KIAA0232: variants seen among roughly 807,000 people sequenced by gnomAD.
KIAA0232 encodes KIAA0232.
In KIAA0232, 27 loss-of-function variants were observed where a neutral mutation model predicts 122.0. The ratio of observed to expected loss-of-function variants is 0.22; its 90% CI spans 0.16 to 0.31. The LOEUF (loss-of-function observed/expected upper bound fraction) is 0.31. KIAA0232 is among the 10% of genes least tolerant of loss of function. The pLI is 1.00. For synonymous variants in KIAA0232, 613 were observed against 587.6 expected, an observed-to-expected ratio of 1.04 and a Z score of -0.63; for missense variants, 1,551 against 1,634.2, an observed-to-expected ratio of 0.95 and a Z score of 0.88.
At chr4:6,841,829 C>T (rs1237292795) in intron 3 of KIAA0232, among the ~76,000 whole-genome samples, 1 of 152,162 alleles carries the variant, frequency 6.6e-6, no homozygotes. Flanking sequence ...GAAAACATCC[C>T]ATGTTTGTGA....
chr4:6,862,725 T>C lies in KIAA0232; in HGVS notation c.2343T>C (p.Val781=), dbSNP rs772680989. 2 of 1,609,626 alleles carry C rather than the reference T, an allele frequency of 1.2e-6. No individual in the cohort carries two copies. Among genetic ancestry groups the C allele is most frequent in the Non-Finnish European group, 1.7e-6 (2 of 1,178,978 alleles). The change falls in exon 7 of 10, where the codon GTT becomes GTC. Residue 781 remains valine (V), a synonymous_variant. Coordinates refer to ENST00000307659, the MANE Select transcript of KIAA0232 (RefSeq NM_014743.3). ...SRTLGEIPTL[V]FKKTSKLESV... ...CTTTAGGTGAGATTCCTACATTAGT[T>C]TTCAAAAAAACATCTAAACTAGAAT...
chr4:6,833,189 G>A (rs1001688809), intron 3 of KIAA0232, among the ~76,000 whole-genome samples: 10 of 152,128 alleles, frequency 6.6e-5, no homozygotes, highest in African/African-American at 2.2e-4. Flanking sequence ...AGCGCTCCTC[G>A]TGTGTGTCAC....
intron 4 of KIAA0232, among the ~76,000 whole-genome samples, chr4:6,849,190 G>A (rs1444277628): frequency 4.6e-5 from 7 of 152,240 alleles, no homozygotes; most frequent in Non-Finnish European, 1.0e-4. Context: ...AGATGCAGTT[G>A]CAGGGGTCCA....
intron 1 of KIAA0232, among the ~76,000 whole-genome samples, chr4:6,796,264 C>T (rs1717131965): frequency 6.6e-6 from 1 of 151,240 alleles, no homozygotes; most frequent in Non-Finnish European, 1.5e-5. Context: ...TTTTTGGAGA[C>T]AGAGTCTTGT....
Position 6,881,165 on chromosome 4 carries a change from G to A in KIAA0232, c.*199G>A, listed in dbSNP as rs1722056483. On this transcript the variant is annotated 3_prime_UTR_variant, in exon 10 of 10. Coordinates refer to ENST00000307659, the MANE Select transcript of KIAA0232 (RefSeq NM_014743.3). ...CTGTTAAAGATTTTTTTTCCCAGCT[G>A]TTAAATTCTTGGCTATTTGAAATAG... The A allele has an allele frequency of 2.3e-6, 1 of 427,510 alleles. No homozygotes were observed. The highest frequency in any genetic ancestry group is 4.0e-6 in the Non-Finnish European group (1 of 247,002). The allele number at this position is 427,510 out of a possible 1,614,324, so 26.5% of individuals were successfully genotyped here. A position where few individuals can be genotyped will look rare whatever the true frequency, so the allele number is the denominator to read the frequency against.
At chr4:6,836,887 T>TC (rs1436956731) in intron 3 of KIAA0232, among the ~76,000 whole-genome samples, 1 of 152,208 alleles carries the variant, frequency 6.6e-6, no homozygotes, top group Non-Finnish European at 1.5e-5. Flanking sequence ...ATTAACAGCA[T>TC]CCCAAGGCAG....
intron 3 of KIAA0232, among the ~76,000 whole-genome samples, chr4:6,833,751 G>A (rs1719118661): frequency 6.6e-6 from 1 of 152,112 alleles, no homozygotes; most frequent in African/African-American, 2.4e-5. Flanking sequence ...CTGGGTAGTA[G>A]GTATGAAATA....
At chr4:6,808,455 C>T (rs557088492) in intron 2 of KIAA0232, among the ~76,000 whole-genome samples, 48 of 145,510 alleles carry the variant, frequency 3.3e-4, no homozygotes, top group African/African-American at 1.2e-3. Flanking sequence ...AGAGTTCAAG[C>T]ATGACTTGCA....
At chr4:6,833,915 G>C (rs920755565) in intron 3 of KIAA0232, among the ~76,000 whole-genome samples, 2 of 152,080 alleles carry the variant, frequency 1.3e-5, no homozygotes, top group Admixed American at 1.3e-4. Flanking sequence ...GCAGTCTCCT[G>C]TTCTCTCTTT....
At chr4:6,879,830 C>T (rs1413085190) in intron 9 of KIAA0232, among the ~76,000 whole-genome samples, 38 of 123,894 alleles carry the variant, frequency 3.1e-4, no homozygotes, top group East Asian at 6.9e-4. Context: ...CAGTGCCCCC[C>T]CTCACCATCT....
intron 9 of KIAA0232, among the ~76,000 whole-genome samples, chr4:6,877,777 C>T (rs907827284): frequency 2.6e-5 from 4 of 152,132 alleles, no homozygotes; most frequent in African/African-American, 9.7e-5. Flanking sequence ...CCTTTCCCAG[C>T]CCACTGGATC....
chr4:6,789,792 C>T (rs919601427), intron 1 of KIAA0232, among the ~76,000 whole-genome samples: 40 of 152,214 alleles, frequency 2.6e-4, no homozygotes, highest in African/African-American at 9.4e-4. Context: ...TTTGGGAAAG[C>T]GAGGTGGGAG....
chr4:6,811,747 ATTTT>A lies in KIAA0232; in HGVS notation c.-270+7163_-270+7166del, dbSNP rs10709832. On this transcript the variant is annotated intron_variant, in intron 2 of 9. Transcript: ENST00000307659. ...GGTGTGAGCCACTGTGCCTGGCCTA[ATTTT>A]TTTTTTTTTTTTTTTTTTTTTAAGA... 5.7e-3 allele frequency among the ~76,000 whole-genome samples: 593 copies of A among 103,892 alleles called. 4 individuals are homozygous for A. Among genetic ancestry groups the A allele is most frequent in the African/African-American group, 0.021 (561 of 26,496 alleles). 68.2% of individuals were successfully genotyped at this position (103,892 alleles called of 152,430 possible). A position where few individuals can be genotyped will look rare whatever the true frequency, so the allele number is the denominator to read the frequency against.
chr4:6,792,893 T>C (rs1432646473), intron 1 of KIAA0232, among the ~76,000 whole-genome samples: 1 of 152,012 alleles, frequency 6.6e-6, no homozygotes, highest in East Asian at 1.9e-4. Flanking sequence ...GGTTTCACCA[T>C]GTTAGAATGG....
At chr4:6,850,152 A>G (rs1720198104) in intron 4 of KIAA0232, among the ~76,000 whole-genome samples, 1 of 152,220 alleles carries the variant, frequency 6.6e-6, no homozygotes, top group Admixed American at 6.5e-5. Context: ...GCACTATAAA[A>G]TAGACATGCG....
chr4:6,859,331 C>T (rs975647875), intron 6 of KIAA0232, among the ~76,000 whole-genome samples: 1 of 151,986 alleles, frequency 6.6e-6, no homozygotes, highest in Non-Finnish European at 1.5e-5. Flanking sequence ...TTTCGAACCT[C>T]TGAAACCTAA....
intron 1 of KIAA0232, among the ~76,000 whole-genome samples, chr4:6,803,718 AT>A (rs1717490047): frequency 6.6e-6 from 1 of 152,156 alleles, no homozygotes; most frequent in South Asian, 2.1e-4. Context: ...TTGGAAGTGG[AT>A]TTTTATGTTT....
chr4:6,842,817 G>A (rs1000354413), intron 4 of KIAA0232, among the ~76,000 whole-genome samples: 1 of 152,088 alleles, frequency 6.6e-6, no homozygotes, highest in African/African-American at 2.4e-5. Context: ...TTGAACTCCT[G>A]ATCTCAGGTG....
intron 4 of KIAA0232, among the ~76,000 whole-genome samples, chr4:6,851,950 C>T (rs1560193500): frequency 6.6e-6 from 1 of 152,072 alleles, no homozygotes; most frequent in Non-Finnish European, 1.5e-5. Flanking sequence ...TGCTAAAGAG[C>T]GGGGTTACCT....
Sources: gnomAD v4.1 joint callset for allele counts (sites outside exome capture counted in the v4.1 genomes callset) on GRCh38, gnomAD v4.1.1 for gene constraint, MANE v1.5 for transcripts, NCBI Gene and HGNC (gene_info 2026-07-23, HGNC 2026-07-21) for gene names.